The following CUL2 variants were observed in gnomAD, a reference collection of about 807,000 sequenced individuals.
The protein encoded by CUL2 is cullin 2, also known as cullin-2.
A neutral mutation model predicts 110.2 loss-of-function variants in CUL2; 22 were observed. The observed-to-expected ratio is 0.20, with a 90% CI of 0.14 to 0.28. The LOEUF (loss-of-function observed/expected upper bound fraction) is 0.28. Among genes scored for constraint, CUL2 ranks in the 10% least tolerant of loss-of-function variants. The probability of loss-of-function intolerance (pLI) is 1.00; values close to 1 mark genes in which losing one functional copy is unlikely to be tolerated. For synonymous variants in CUL2, 279 were observed against 293.2 expected (o/e 0.95, Z 0.49); for missense variants, 631 against 905.5 (o/e 0.70, Z 3.89).
intron 1 of CUL2, among the ~76,000 whole-genome samples, chr10:35,083,417 C>T (rs1002753410): frequency 1.3e-5 from 2 of 152,098 alleles, no homozygotes; most frequent in Non-Finnish European, 1.5e-5. Flanking sequence ...TGAGAAGGGC[C>T]TAGGAGGAAT....
intron 2 of CUL2, among the ~76,000 whole-genome samples, chr10:35,096,547 T>C (rs558548331): frequency 6.6e-6 from 1 of 152,130 alleles, no homozygotes; most frequent in Non-Finnish European, 1.5e-5. Context: ...CAGGAGGTCA[T>C]GTTTGCAGTG....
At chr10:35,038,547 A>AAG (rs1359116286) in intron 9 of CUL2, among the ~76,000 whole-genome samples, 3 of 149,356 alleles carry the variant, frequency 2.0e-5, no homozygotes, top group Non-Finnish European at 4.5e-5. Flanking sequence ...AAAAAAAAAA[A>AAG]AAATCAGATA....
intron 1 of CUL2, among the ~76,000 whole-genome samples, chr10:35,076,962 G>T (rs767781083): frequency 2.4e-4 from 37 of 152,056 alleles, no homozygotes; most frequent in Non-Finnish European, 5.0e-4. Context: ...TGAGGCAGGA[G>T]AATGGCGTGA....
At chr10:35,121,994 A>G (rs1226020984) in intron 1 of CUL2, among the ~76,000 whole-genome samples, 2 of 152,226 alleles carry the variant, frequency 1.3e-5, no homozygotes, top group African/African-American at 2.4e-5. Flanking sequence ...AAAAGCACGT[A>G]AACACACATA....
intron 1 of CUL2, among the ~76,000 whole-genome samples, chr10:35,101,646 C>G (rs1261627588): frequency 6.6e-6 from 1 of 152,204 alleles, no homozygotes; most frequent in Non-Finnish European, 1.5e-5. Flanking sequence ...AGTGACCACA[C>G]ACACAAGCAC....
intron 4 of CUL2, among the ~76,000 whole-genome samples, chr10:35,059,219 G>A (rs915265719): frequency 1.6e-4 from 24 of 152,168 alleles, no homozygotes; most frequent in African/African-American, 7.2e-5. Flanking sequence ...CTCCAATTTC[G>A]TAAGAATTTC....
At chr10:35,067,139 CAAAAAAAAA>C (rs71523356) in intron 2 of CUL2, among the ~76,000 whole-genome samples, 2 of 76,830 alleles carry the variant, frequency 2.6e-5, no homozygotes, top group Admixed American at 1.5e-4. Flanking sequence ...AACTCCATCT[CAAAAAAAAA>C]AAAAAAAAAA....
chr10:35,032,406 G>T, intron 12 of CUL2, 29 bp downstream of exon 12: 2 of 1,561,874 alleles, frequency 1.3e-6, no homozygotes, highest in South Asian at 1.2e-5. Context: ...CTTTTCATAA[G>T]ATTACTTTTC....
At position 35,034,491 on chromosome 10, in the gene CUL2, T is replaced by C. The variant is rs116007391; in HGVS notation, c.1002+681A>G. ...AAGTGCTCCTGAACAGTGACGTCTA[T>C]ACACAGATACTATCTTATAGATGAA... On this transcript the variant is annotated intron_variant, in intron 10 of 20. Coordinates refer to ENST00000374749, the MANE Select transcript of CUL2 (RefSeq NM_003591.4). Among the ~76,000 whole-genome samples, 398 of 152,320 alleles carry C rather than the reference T, an allele frequency of 2.6e-3. 4 individuals are homozygous for C. The highest frequency in any genetic ancestry group is 8.8e-3 in the African/African-American group (366 of 41,586).
chr10:35,033,110 C>T, intron 11 of CUL2, 56 bp downstream of exon 11: 1 of 1,062,490 alleles, frequency 9.4e-7, no homozygotes, highest in Non-Finnish European at 1.3e-6. Flanking sequence ...TTGAAACTGC[C>T]TAAAGAATGA....
At chr10:35,041,764 T>C (rs1191069505) in intron 8 of CUL2, among the ~76,000 whole-genome samples, 3 of 152,156 alleles carry the variant, frequency 2.0e-5, no homozygotes, top group Non-Finnish European at 4.4e-5. Context: ...CCTGAACTCC[T>C]GGACTTGCGT....
intron 2 of CUL2, among the ~76,000 whole-genome samples, chr10:35,100,139 T>C (rs528715745): frequency 2.6e-5 from 4 of 151,748 alleles, no homozygotes; most frequent in Non-Finnish European, 5.9e-5. Context: ...TAAAATATTA[T>C]ATAAAATAAA....
At chr10:35,124,395 A>C in intron 1 of CUL2, among the ~76,000 whole-genome samples, 1 of 152,126 alleles carries the variant, frequency 6.6e-6, no homozygotes, top group Non-Finnish European at 1.5e-5. Context: ...TAGCCTGGAC[A>C]AGAGACTCCA....
intron 16 of CUL2, among the ~76,000 whole-genome samples, chr10:35,026,695 C>G (rs2085343138): frequency 6.6e-6 from 1 of 152,182 alleles, no homozygotes; most frequent in South Asian, 2.1e-4. Flanking sequence ...AACAAACAGA[C>G]TCCAATAAAT....
At chr10:35,122,363 T>G (rs990243545) in intron 1 of CUL2, among the ~76,000 whole-genome samples, 2 of 152,216 alleles carry the variant, frequency 1.3e-5, no homozygotes, top group Non-Finnish European at 2.9e-5. Context: ...GTTATAGTCC[T>G]AATATTACTA....
chr10:35,092,605 A>G (rs1410255842), upstream of CUL2, among the ~76,000 whole-genome samples: 1 of 152,170 alleles, frequency 6.6e-6, no homozygotes, highest in East Asian at 1.9e-4. Flanking sequence ...AACTACCTGC[A>G]TTTTTCATGG....
intron 14 of CUL2, among the ~76,000 whole-genome samples, chr10:35,030,403 G>A (rs1229841039): frequency 6.6e-6 from 1 of 151,944 alleles, no homozygotes. Context: ...TCTATTTAGA[G>A]GCAGGATCTT....
intron 17 of CUL2, among the ~76,000 whole-genome samples, chr10:35,018,996 C>G (rs2085118477): frequency 6.6e-6 from 1 of 152,086 alleles, no homozygotes; most frequent in Non-Finnish European, 1.5e-5. Flanking sequence ...ATATCCAATT[C>G]ATAGAAACAG....
chr10:35,068,747 T>C lies in CUL2; in HGVS notation c.119+2452A>G, dbSNP rs1248655945. Among the ~76,000 whole-genome samples the C allele has an allele frequency of 2.6e-5, 4 of 152,204 alleles. No homozygotes were observed. In the East Asian group the frequency reaches 5.8e-4, roughly 22 times the overall value. The stretch of plus-strand genomic sequence containing the variant: ...TTTTTTCCTTTTCAAAGTATTTACA[T>C]TGTATGGCCCTTAAAATTTCCACTT... On this transcript the variant is annotated intron_variant, in intron 2 of 20. Coordinates refer to ENST00000374749, the MANE Select transcript of CUL2 (RefSeq NM_003591.4).
Sources: gnomAD v4.1 joint callset for allele counts (sites outside exome capture counted in the v4.1 genomes callset) on GRCh38, gnomAD v4.1.1 for gene constraint, MANE v1.5 for transcripts, NCBI Gene and HGNC (gene_info 2026-07-23, HGNC 2026-07-21) for gene names.